The following CUL3 variants were observed in gnomAD, a reference collection of about 807,000 sequenced individuals.
The protein encoded by CUL3 is cullin-3.
Under a neutral mutation model 89.1 loss-of-function variants are expected in CUL3, and 19 were observed. That is an observed-to-expected ratio of 0.21 (90% CI 0.15 to 0.31). CUL3 has a LOEUF of 0.31. CUL3 is among the 10% of genes least tolerant of loss of function. The pLI, the probability that CUL3 is intolerant of heterozygous loss-of-function variation, is 1.00. For missense variants in CUL3, 469 were observed against 942.3 expected, an observed-to-expected ratio of 0.50 and a Z score of 6.58; for synonymous variants, 351 against 308.4, an observed-to-expected ratio of 1.14 and a Z score of -1.45.
intron 1 of CUL3, among the ~76,000 whole-genome samples, chr2:224,560,086 A>C (rs1022612528): frequency 1.3e-5 from 2 of 152,120 alleles, no homozygotes; most frequent in African/African-American, 4.8e-5. Context: ...CTGTCTCAAA[A>C]AAGAAGAAGA....
At chr2:224,526,585 CAAAAAAAA>C (rs1166152595) in intron 3 of CUL3, among the ~76,000 whole-genome samples, 10 of 26,166 alleles carry the variant, frequency 3.8e-4, no homozygotes, top group South Asian at 1.4e-3. Flanking sequence ...GACTCCGTCT[CAAAAAAAA>C]AAAAAAAAAA....
At chr2:224,534,810 G>A (rs999041597) in intron 3 of CUL3, among the ~76,000 whole-genome samples, 6 of 151,576 alleles carry the variant, frequency 4.0e-5, no homozygotes, top group African/African-American at 1.2e-4. Context: ...GTGAAACCCC[G>A]TCTCTACTAA....
chr2:224,498,866 A>C (rs1442735406), intron 11 of CUL3, among the ~76,000 whole-genome samples: 1 of 152,228 alleles, frequency 6.6e-6, no homozygotes, highest in East Asian at 1.9e-4. Flanking sequence ...TTATGAAGCT[A>C]CAAGTCAATA....
At chr2:224,524,350 C>T (rs771034851) in intron 3 of CUL3, among the ~76,000 whole-genome samples, 1 of 152,046 alleles carries the variant, frequency 6.6e-6, no homozygotes, top group Non-Finnish European at 1.5e-5. Context: ...CACAAAGAGC[C>T]GCAATTTCTG....
At chr2:224,518,579 TAGTA>T (rs796713706) in intron 3 of CUL3, among the ~76,000 whole-genome samples, 2 of 152,192 alleles carry the variant, frequency 1.3e-5, no homozygotes, top group African/African-American at 4.8e-5. Context: ...AAACCTCTAA[TAGTA>T]AGAATAATAT....
chr2:224,479,655 C>G (rs1422154292), intron 14 of CUL3: 1 of 152,074 alleles, frequency 6.6e-6, no homozygotes, highest in Admixed American at 6.6e-5. Flanking sequence ...GGGGAAACTA[C>G]TGAGATATTT....
chr2:224,561,792 C>T (rs1222511107), intron 1 of CUL3, among the ~76,000 whole-genome samples: 1 of 152,120 alleles, frequency 6.6e-6, no homozygotes, highest in Admixed American at 6.5e-5. Context: ...ATAATGATGG[C>T]CTCAAATACC....
chr2:224,510,329 A>AT (rs1239252134), intron 6 of CUL3, among the ~76,000 whole-genome samples: 4 of 147,992 alleles, frequency 2.7e-5, no homozygotes, highest in African/African-American at 7.5e-5. Context: ...AATTACATAT[A>AT]ACTTTTCAGG....
chr2:224,506,982 A>C lies in CUL3; in HGVS notation c.905T>G (p.Leu302Ter). ...CAAACCATTTGGCACACGACTAAAT[A>C]ACTTGTACATGCAACCAAGGTCTAC... ...KTEDLGCMYK[L>*]FSRVPNGLKT... Residue 302 changes from leucine to a stop codon, truncating the protein, a stop_gained, in exon 7 of 16, where the codon TTA becomes TGA. Coordinates refer to ENST00000264414, the MANE Select transcript of CUL3 (RefSeq NM_003590.5). LOFTEE classifies it high-confidence loss of function. The C allele has an allele frequency of 6.2e-7, 1 of 1,612,616 alleles. No individual in the cohort carries two copies. Among genetic ancestry groups the C allele is most frequent in the Non-Finnish European group, 8.5e-7 (1 of 1,179,440 alleles).
intron 3 of CUL3, among the ~76,000 whole-genome samples, chr2:224,517,614 A>C (rs1426348213): frequency 2.0e-5 from 3 of 152,202 alleles, no homozygotes; most frequent in Non-Finnish European, 4.4e-5. Context: ...CAGAGGCTGC[A>C]ATGAGCCAGC....
In CUL3 at chr2:224,485,073, T is replaced by C. The variant is rs1691666389; in HGVS notation, c.1843-2995A>G. On this transcript the variant is annotated intron_variant, in intron 13 of 15. Transcript: ENST00000264414. This position sits in a 1 kb window ranked among gnomAD's most constrained non-coding sequence, Gnocchi z 4.1. Reference sequence around the variant, plus strand: ...CTAGCCAAGGGAAGCCCTGAGGGACTGTGCTATCTGGCCCAAATACTACGC... The same window carrying C: ...CTAGCCAAGGGAAGCCCTGAGGGACCGTGCTATCTGGCCCAAATACTACGC... 6.6e-6 allele frequency: 1 copy of C among 152,272 alleles called. No homozygotes were observed. Among genetic ancestry groups the C allele is most frequent in the Admixed American group, 6.5e-5 (1 of 15,282 alleles). 9.4% of individuals were successfully genotyped at this position (152,272 alleles called of 1,614,324 possible). A position where few individuals can be genotyped will look rare whatever the true frequency, so the allele number is the denominator to read the frequency against.
chr2:224,484,999 G>A (rs183268820), intron 13 of CUL3, among the ~76,000 whole-genome samples: 2 of 152,270 alleles, frequency 1.3e-5, no homozygotes, highest in Non-Finnish European at 2.9e-5. Flanking sequence ...GAAGCAGGGT[G>A]GGGCGTCACC....
chr2:224,488,803 C>T (rs1024061128), intron 13 of CUL3, among the ~76,000 whole-genome samples: 30 of 152,168 alleles, frequency 2.0e-4, no homozygotes, highest in African/African-American at 6.0e-4. Context: ...GGCAGAGACA[C>T]AACAAAAAAA....
At chr2:224,569,439 T>C (rs150242081) in intron 1 of CUL3, among the ~76,000 whole-genome samples, 2,046 of 152,286 alleles carry the variant, frequency 0.013, 40 homozygotes, top group South Asian at 0.043. Context: ...TAAATGTTTA[T>C]AGTTTAGTAA....
intron 10 of CUL3, among the ~76,000 whole-genome samples, chr2:224,502,689 A>G (rs1456742065): frequency 6.6e-6 from 1 of 152,250 alleles, no homozygotes; most frequent in Non-Finnish European, 1.5e-5. Context: ...ATAGATTTGT[A>G]TTATCTTTAT....
At chr2:224,500,248 A>G in intron 11 of CUL3, 115 bp downstream of exon 11, 18 of 1,230,656 alleles carry the variant, frequency 1.5e-5, no homozygotes, top group Non-Finnish European at 2.0e-5. Flanking sequence ...CCTTTTGATC[A>G]CGAGGTAATA....
At chr2:224,547,711 T>C (rs1197515459) in intron 2 of CUL3, among the ~76,000 whole-genome samples, 2 of 152,128 alleles carry the variant, frequency 1.3e-5, no homozygotes, top group Non-Finnish European at 2.9e-5. Context: ...CTTAACTCAC[T>C]GCAGTCATTA....
intron 13 of CUL3, among the ~76,000 whole-genome samples, chr2:224,491,152 G>A (rs1416626394): frequency 6.6e-6 from 1 of 151,996 alleles, no homozygotes; most frequent in Non-Finnish European, 1.5e-5. Context: ...TCAGCTTGTC[G>A]AGTTTTATTT....
rs571674995 is a variant in CUL3, at chr2:224,471,866, TAA to T, written c.*2377_*2378del. 1.0e-4 allele frequency: 24 copies of T among 230,386 alleles called. No homozygotes were observed. Among genetic ancestry groups the T allele is most frequent in the African/African-American group, 4.4e-4 (20 of 45,308 alleles). 14.3% of individuals were successfully genotyped at this position (230,386 alleles called of 1,614,324 possible). On this transcript the variant is annotated 3_prime_UTR_variant, in exon 16 of 16. Transcript: ENST00000264414. ...TGAAAAACTATGTATCCACCCTCCT[TAA>T]AAGTCTTCTAATAAATCACCAAAAT...
Sources: allele counts gnomAD v4.1 joint callset (sites outside exome capture counted in the v4.1 genomes callset), GRCh38; gene constraint gnomAD v4.1.1; non-coding constraint Gnocchi (gnomAD v3.1); transcripts MANE v1.5; gene names NCBI Gene and HGNC (gene_info 2026-07-23, HGNC 2026-07-21).